PSG2: variants seen among roughly 807,000 people sequenced by gnomAD.
PSG2 encodes pregnancy specific beta-1-glycoprotein 2.
A neutral mutation model predicts 36.2 loss-of-function variants in PSG2; 49 were observed. That is an observed-to-expected ratio of 1.35 (90% CI 1.08 to 1.72). The LOEUF (loss-of-function observed/expected upper bound fraction) is 1.72, where lower values mean the gene tolerates loss of function less well. Ranked by LOEUF, PSG2 falls within the 40% of genes most tolerant of loss-of-function variation. PSG2 has a pLI of 0.00. For synonymous variants in PSG2, 261 were observed against 155.6 expected, an observed-to-expected ratio of 1.68 and a Z score of -5.04; for missense variants, 605 against 407.2, an observed-to-expected ratio of 1.49 and a Z score of -4.18.
At chr19:43,075,226 A>C in intron 3 of PSG2, 128 bp downstream of exon 3, 1 of 1,588,822 alleles carries the variant, frequency 6.3e-7, no homozygotes, top group South Asian at 1.1e-5. Flanking sequence ...GCAGAAAGTC[A>C]TGGCCAGCTT....
intron 1 of PSG2, 79 bp from the exon 2 acceptor site, chr19:43,081,325 G>A: frequency 1.3e-6 from 2 of 1,508,426 alleles, no homozygotes; most frequent in Non-Finnish European, 8.9e-7. Flanking sequence ...GTCCTGAGGA[G>A]GTCTCTTCAA....
intron 3 of PSG2, among the ~76,000 whole-genome samples, chr19:43,075,040 A>G (rs1362587332): frequency 6.6e-6 from 1 of 151,696 alleles, no homozygotes; most frequent in Non-Finnish European, 1.5e-5. Context: ...TGACCCTGTG[A>G]GCCAAGCCGC....
Position 43,064,668 on chromosome 19 carries a change from G to C in PSG2, c.*41-67C>G, listed in dbSNP as rs191787876. On this transcript the variant is annotated intron_variant, in intron 5 of 5. Transcript: ENST00000406487. ...AGTTTGAGGAAGAATCAAAGCAACT[G>C]TCTGGGAATGACAGAGATTTAAACT... is the stretch of plus-strand genomic sequence containing the variant. The C allele has an allele frequency of 4.8e-4, 261 of 547,050 alleles. 3 individuals carry two copies. The highest frequency in any genetic ancestry group is 1.6e-3 in the Admixed American group (57 of 35,254). The allele number at this position is 547,050 out of a possible 1,614,324, so 33.9% of individuals were successfully genotyped here. A position where few individuals can be genotyped will look rare whatever the true frequency, so the allele number is the denominator to read the frequency against.
chr19:43,069,885 A>G (rs1038993070), intron 4 of PSG2, among the ~76,000 whole-genome samples: 2 of 151,822 alleles, frequency 1.3e-5, no homozygotes, highest in African/African-American at 4.9e-5. Flanking sequence ...AACATTATCA[A>G]GAAAGTAAAA....
intron 4 of PSG2, among the ~76,000 whole-genome samples, chr19:43,069,239 G>A (rs1164188260): frequency 6.6e-6 from 1 of 151,576 alleles, no homozygotes; most frequent in Admixed American, 6.6e-5. Flanking sequence ...AGGACATTTT[G>A]TTTTCATGAA....
At chr19:43,076,895 C>G (rs1026248163) in intron 2 of PSG2, among the ~76,000 whole-genome samples, 3 of 151,634 alleles carry the variant, frequency 2.0e-5, no homozygotes, top group African/African-American at 4.9e-5. Flanking sequence ...AATTTAAAAT[C>G]CACAATGCGC....
chr19:43,081,475 C>T (rs966031472), intron 1 of PSG2, among the ~76,000 whole-genome samples: 3 of 151,192 alleles, frequency 2.0e-5, no homozygotes, highest in Non-Finnish European at 4.4e-5. Context: ...AGCAGCATGA[C>T]CCCCATTCCT....
rs1224320484 is a variant in PSG2 at position 43,082,447 on chromosome 19, A to T, written c.64+59T>A. 3.8e-6 allele frequency: 6 copies of T among 1,590,604 alleles called. No homozygotes were observed. In the East Asian group the frequency reaches 1.3e-4, roughly 36 times the overall value. ...TTTAGAACCCCATCCTCTCCAGGAG[A>T]CCCCATCCAGTCACTCTTCTTCCTC... On this transcript the variant is annotated intron_variant, in intron 1 of 5. Coordinates refer to ENST00000406487, the MANE Select transcript of PSG2 (RefSeq NM_031246.4).
intron 5 of PSG2, among the ~76,000 whole-genome samples, chr19:43,065,086 C>T (rs1189831101): frequency 4.6e-5 from 7 of 151,762 alleles, no homozygotes; most frequent in Non-Finnish European, 7.4e-5. Context: ...CTACCCACCT[C>T]GGCCTCCCAA....
At chr19:43,078,032 G>A (rs1442467097) in intron 2 of PSG2, among the ~76,000 whole-genome samples, 2 of 151,634 alleles carry the variant, frequency 1.3e-5, no homozygotes, top group African/African-American at 4.9e-5. Flanking sequence ...TGAGCCCATG[G>A]GCTTGGGGGA....
intron 3 of PSG2, chr19:43,072,657 C>T: frequency 6.2e-7 from 1 of 1,607,640 alleles, no homozygotes; most frequent in Middle Eastern, 2.1e-4. Flanking sequence ...AGAAGATTGT[C>T]CTGTGTGGCA....
intron 5 of PSG2, chr19:43,065,404 T>A (rs1385714402): frequency 6.6e-6 from 1 of 151,628 alleles, no homozygotes; most frequent in African/African-American, 2.4e-5. Flanking sequence ...AGTTTTAAGT[T>A]CTACCTATTG....
In PSG2 at chr19:43,080,963, G is replaced by T; in HGVS notation, c.348C>A (p.Asp116Glu). 2 of 1,613,022 alleles carry T rather than the reference G, an allele frequency of 1.2e-6. No individual in the cohort carries two copies. Among genetic ancestry groups the T allele is most frequent in the Non-Finnish European group, 1.7e-6 (2 of 1,179,676 alleles). The stretch of plus-strand genomic sequence containing the variant: ...TGATGTGTAAGGTGTAGGATCCTGC[G>T]TCCTCCCGGGTGACATTCTGGATCA... ...SLLIQNVTRE[D>E]AGSYTLHIIK... The change falls in exon 2 of 6, where the codon GAC becomes GAA. Residue 116 changes from aspartate to glutamate, a missense_variant. Coordinates refer to ENST00000406487, the MANE Select transcript of PSG2 (RefSeq NM_031246.4).
intron 1 of PSG2, 148 bp downstream of exon 1, chr19:43,082,358 C>T (rs1157888747): frequency 2.4e-5 from 31 of 1,283,444 alleles, no homozygotes; most frequent in African/African-American, 1.0e-4. Flanking sequence ...GCCAGACTGA[C>T]CTTGAACTCC....
At chr19:43,081,367 ACACAC>A in intron 1 of PSG2, 121 bp from the exon 2 acceptor site, 1 of 1,208,136 alleles carries the variant, frequency 8.3e-7, no homozygotes, top group South Asian at 1.8e-5. Flanking sequence ...ACACACACAC[ACACAC>A]ACACACACAC....
intron 2 of PSG2, among the ~76,000 whole-genome samples, chr19:43,077,946 A>T (rs945421116): frequency 3.4e-5 from 5 of 147,162 alleles, no homozygotes; most frequent in Admixed American, 1.3e-4. Flanking sequence ...CGGAAGCCAG[A>T]AGTCTCTAGG....
chr19:43,075,589 G>T lies in PSG2; in HGVS notation c.474C>A (p.Pro158=). The part of the protein sequence containing the change: ...KPSISSSNLN[P]REAMETVILT... ...AGATCACAGTTTCCATGGCCTCCCT[G>T]GGGTTTAAGTTGCTGCTGGAGATGG... The change falls in exon 3 of 6, where the codon CCC becomes CCA. Residue 158 remains proline (P), a synonymous_variant. Transcript: ENST00000406487. 6.2e-7 allele frequency: 1 copy of T among 1,613,186 alleles called. No homozygotes were observed. Among genetic ancestry groups the T allele is most frequent in the Non-Finnish European group, 8.5e-7 (1 of 1,179,756 alleles).
In PSG2 at chr19:43,076,850, C is replaced by A. The variant is rs1303155313; in HGVS notation, c.431-1218G>T. 1.9e-3 allele frequency among the ~76,000 whole-genome samples: 281 copies of A among 151,380 alleles called. 4 individuals are homozygous for A. Among genetic ancestry groups the A allele is most frequent in the African/African-American group, 6.5e-3 (268 of 40,928 alleles). Reference sequence around the variant, plus strand: ...AATTTTTTTATTTTGGAATATTTGCCGTATATGTACTGGTTTAGCATCCCA... The same window carrying A: ...AATTTTTTTATTTTGGAATATTTGCAGTATATGTACTGGTTTAGCATCCCA... On this transcript the variant is annotated intron_variant, in intron 2 of 5. Transcript: ENST00000406487.
chr19:43,077,646 A>G lies in PSG2; in HGVS notation c.431-2014T>C, dbSNP rs991378343. 3.8e-4 allele frequency among the ~76,000 whole-genome samples: 58 copies of G among 151,816 alleles called. 6 individuals carry two copies. The highest frequency in any genetic ancestry group is 1.4e-3 in the African/African-American group (57 of 41,214). ...GCAGTAAAACCATCAGATAGCACCC[A>G]CCTGGTCACCTCCAACTGGTCCTCA... On this transcript the variant is annotated intron_variant, in intron 2 of 5. Transcript: ENST00000406487.
Sources: gnomAD v4.1 joint callset for allele counts (sites outside exome capture counted in the v4.1 genomes callset) on GRCh38, gnomAD v4.1.1 for gene constraint, MANE v1.5 for transcripts, NCBI Gene and HGNC (gene_info 2026-07-23, HGNC 2026-07-21) for gene names.